CFAP54: variants seen among roughly 807,000 people sequenced by gnomAD.
CFAP54 encodes the protein cilia and flagella associated protein 54.
Under a neutral mutation model 370.4 loss-of-function variants are expected in CFAP54, and 290 were observed. That is an observed-to-expected ratio of 0.78 (90% CI 0.71 to 0.86). The LOEUF is 0.86. Among genes scored for constraint, CFAP54 ranks in the 40% least tolerant of loss-of-function variants. CFAP54 has a pLI of 0.00. For missense variants in CFAP54, 3,399 were observed against 3,528.7 expected (o/e 0.96, Z 0.93); for synonymous variants, 1,206 against 1,236.5 (o/e 0.98, Z 0.52).
rs965841303 is a variant in CFAP54 at position 96,648,030 on chromosome 12, TGTTA to T, written c.4690+17_4690+20del. 17 of 1,484,162 alleles carry T rather than the reference TGTTA, an allele frequency of 1.1e-5. No individual in the cohort carries two copies. Among genetic ancestry groups the T allele is most frequent in the Non-Finnish European group, 1.2e-5 (14 of 1,126,040 alleles). The allele number at this position is 1,484,162 out of a possible 1,614,324, so 91.9% of individuals were successfully genotyped here. A position where few individuals can be genotyped will look rare whatever the true frequency, so the allele number is the denominator to read the frequency against. On this transcript the variant is annotated intron_variant, in intron 34 of 67. Transcript: ENST00000524981. ...AACTTACCATCAGGTAAAATAAACA[TGTTA>T]GTTTATTATTAAATTACCTCTAGAT...
chr12:96,539,444 CAGGTGGATCACCCG>C (rs1955546943), intron 13 of CFAP54, among the ~76,000 whole-genome samples: 1 of 151,928 alleles, frequency 6.6e-6, no homozygotes, highest in Admixed American at 6.6e-5. Context: ...GAGGCTGAGG[CAGGTGGATCACCCG>C]AGGTCAGGAG....
At chr12:96,718,906 C>G (rs143441339) in intron 49 of CFAP54, among the ~76,000 whole-genome samples, 6 of 152,004 alleles carry the variant, frequency 3.9e-5, no homozygotes, top group Admixed American at 1.3e-4. Flanking sequence ...GGTGTGATGG[C>G]GCATGCCTGT....
At chr12:96,584,033 C>T (rs189792981) in intron 22 of CFAP54, among the ~76,000 whole-genome samples, 5 of 152,230 alleles carry the variant, frequency 3.3e-5, no homozygotes, top group East Asian at 3.9e-4. Context: ...TCAGCAATCA[C>T]GATGGTGGCA....
chr12:96,676,530 T>C (rs147527328), intron 39 of CFAP54, among the ~76,000 whole-genome samples: 72 of 152,178 alleles, frequency 4.7e-4, no homozygotes, highest in African/African-American at 1.6e-3. Flanking sequence ...ATGAATGGCA[T>C]TGGTGTCTTT....
intron 55 of CFAP54, among the ~76,000 whole-genome samples, chr12:96,751,719 G>A (rs574417527): frequency 6.6e-6 from 1 of 152,092 alleles, no homozygotes; most frequent in South Asian, 2.1e-4. Flanking sequence ...TAAGAGTGTG[G>A]GCTCTAAGAA....
chr12:96,600,904 A>G (rs970652121), intron 26 of CFAP54, among the ~76,000 whole-genome samples: 1 of 152,172 alleles, frequency 6.6e-6, no homozygotes. Context: ...GTCATCTGCA[A>G]ACAGAGACAA....
chr12:96,524,274 G>A (rs545541859), intron 8 of CFAP54, among the ~76,000 whole-genome samples: 4 of 152,138 alleles, frequency 2.6e-5, no homozygotes, highest in African/African-American at 9.6e-5. Flanking sequence ...CAAAATAGAT[G>A]AGGATTACAT....
At chr12:96,860,721 C>A in intron 66 of CFAP54, 98 bp from the exon 67 acceptor site, 1 of 1,224,478 alleles carries the variant, frequency 8.2e-7, no homozygotes, top group East Asian at 2.7e-5. Context: ...AGCTATCTTT[C>A]ATATAAAATT....
intron 60 of CFAP54, among the ~76,000 whole-genome samples, chr12:96,784,328 T>A (rs1451680766): frequency 6.6e-6 from 1 of 152,156 alleles, no homozygotes; most frequent in Admixed American, 6.5e-5. Context: ...TCATTTTAAT[T>A]TGCATTTTTC....
intron 22 of CFAP54, among the ~76,000 whole-genome samples, chr12:96,586,681 A>G (rs1167418354): frequency 6.6e-6 from 1 of 152,182 alleles, no homozygotes; most frequent in East Asian, 1.9e-4. Flanking sequence ...GGACAGGTCA[A>G]AGAGCTAAGG....
intron 26 of CFAP54, among the ~76,000 whole-genome samples, chr12:96,603,227 C>G (rs940208209): frequency 3.3e-5 from 5 of 152,112 alleles, no homozygotes; most frequent in African/African-American, 1.2e-4. Context: ...CTTAGTTTGG[C>G]TGGATATGAA....
At chr12:96,738,905 C>G (rs895670846) in intron 50 of CFAP54, among the ~76,000 whole-genome samples, 2 of 152,180 alleles carry the variant, frequency 1.3e-5, no homozygotes, top group Admixed American at 6.5e-5. Flanking sequence ...CCACTGCACC[C>G]GGCCCAAATC....
chr12:96,658,166 T>C (rs1201888752), intron 37 of CFAP54, 45 bp from the exon 38 acceptor site: 2 of 1,582,696 alleles, frequency 1.3e-6, no homozygotes, highest in East Asian at 2.2e-5. Flanking sequence ...AAAAAAGTCT[T>C]TTAACTAATG....
intron 38 of CFAP54, among the ~76,000 whole-genome samples, chr12:96,659,717 A>G (rs1360998672): frequency 2.0e-5 from 3 of 152,332 alleles, no homozygotes; most frequent in African/African-American, 7.2e-5. Context: ...AAGTGCATTG[A>G]CTACCCAATC....
At chr12:96,597,203 C>T (rs1956189493) in intron 25 of CFAP54, among the ~76,000 whole-genome samples, 1 of 152,032 alleles carries the variant, frequency 6.6e-6, no homozygotes, top group African/African-American at 2.4e-5. Flanking sequence ...ATTAAAAATA[C>T]ATTTATCTGA....
At position 96,651,765 on chromosome 12, in the gene CFAP54, G is replaced by A. The variant is rs1471154463; in HGVS notation, c.5050G>A (p.Glu1684Lys). 6.2e-7 allele frequency: 1 copy of A among 1,613,124 alleles called. No homozygotes were observed. The highest frequency in any genetic ancestry group is 8.5e-7 in the Non-Finnish European group (1 of 1,179,196). ...TGTTTTACCATTCTATTTGGGAGCA[G>A]AATTACTTATTGACATGTTAATACA... The part of the protein sequence containing the change: ...TSVLPFYLGA[E>K]LLIDMLIQLQ... The change falls in exon 36 of 68, where the codon GAA (glutamate) becomes AAA (lysine). Residue 1684 changes from glutamate (E) to lysine (K), a missense_variant. Physicochemically the swap from Glu to Lys is moderately conservative, Grantham distance 56 (BLOSUM62 1). Coordinates refer to ENST00000524981, the MANE Select transcript of CFAP54 (RefSeq NM_001306084.2).
intron 39 of CFAP54, among the ~76,000 whole-genome samples, chr12:96,678,452 G>T (rs568861280): frequency 6.6e-6 from 1 of 151,988 alleles, no homozygotes; most frequent in East Asian, 1.9e-4. Flanking sequence ...GGGTTTCACC[G>T]TGTTGGCCAG....
chr12:96,737,032 G>A (rs1216424571), intron 50 of CFAP54, among the ~76,000 whole-genome samples: 2 of 152,154 alleles, frequency 1.3e-5, no homozygotes, highest in African/African-American at 4.8e-5. Flanking sequence ...AAATAGGGAT[G>A]ATAATAGTAC....
rs970165694 is a variant in CFAP54, at chr12:96,516,563, C to T, written c.799-2365C>T. Among the ~76,000 whole-genome samples the T allele has an allele frequency of 8.5e-5, 13 of 152,136 alleles. No individual in the cohort carries two copies. In the East Asian group the frequency reaches 9.7e-4, roughly 11 times the overall value. Reference sequence around the variant, plus strand: ...CAGCATAAGCTTAGGGAATAGAGGGCGGTCGGACTTCTGAAACCTCTTTCC... The same window carrying T: ...CAGCATAAGCTTAGGGAATAGAGGGTGGTCGGACTTCTGAAACCTCTTTCC... On this transcript the variant is annotated intron_variant, in intron 5 of 67. Coordinates refer to ENST00000524981, the MANE Select transcript of CFAP54 (RefSeq NM_001306084.2).
Sources: allele counts gnomAD v4.1 joint callset (sites outside exome capture counted in the v4.1 genomes callset), GRCh38; gene constraint gnomAD v4.1.1; transcripts MANE v1.5; gene names NCBI Gene and HGNC (gene_info 2026-07-23, HGNC 2026-07-21).